The following KCNIP1 variants were observed in gnomAD, a reference collection of about 807,000 sequenced individuals.
KCNIP1 encodes A-type potassium channel modulatory protein KCNIP1.
Under a neutral mutation model 33.0 loss-of-function variants are expected in KCNIP1, and 18 were observed. The observed-to-expected ratio is 0.55, with a 90% CI of 0.38 to 0.81. The LOEUF (loss-of-function observed/expected upper bound fraction) is 0.81. Ranked by LOEUF, KCNIP1 falls within the 30% of genes least tolerant of loss-of-function variation. KCNIP1 has a pLI of 0.00. For missense variants in KCNIP1, 238 were observed against 271.6 expected (o/e 0.88, Z 0.87); for synonymous variants, 93 against 98.3 (o/e 0.95, Z 0.32).
At chr5:170,712,042 G>A (rs1219602578) in intron 1 of KCNIP1, among the ~76,000 whole-genome samples, 3 of 152,148 alleles carry the variant, frequency 2.0e-5, no homozygotes, top group Non-Finnish European at 4.4e-5. Flanking sequence ...AGGAAATCCA[G>A]GCCAACCACA....
chr5:170,478,179 AG>A (rs1398870397), intron 1 of KCNIP1, among the ~76,000 whole-genome samples: 1 of 152,186 alleles, frequency 6.6e-6, no homozygotes, highest in African/African-American at 2.4e-5. Flanking sequence ...TGGGGCGGGA[AG>A]GGGCAGGTAA....
At chr5:170,683,688 T>C (rs1190225070) in intron 1 of KCNIP1, among the ~76,000 whole-genome samples, 2 of 152,062 alleles carry the variant, frequency 1.3e-5, no homozygotes, top group African/African-American at 4.8e-5. Context: ...GTAGTCTTCC[T>C]TCGGCCCTTG....
chr5:170,490,068 C>T (rs1409414549), intron 1 of KCNIP1, among the ~76,000 whole-genome samples: 1 of 152,222 alleles, frequency 6.6e-6, no homozygotes, highest in Non-Finnish European at 1.5e-5. Flanking sequence ...GTGGGGGCAA[C>T]AGGTTCTCTC....
At chr5:170,655,423 A>T (rs1340176223) in intron 1 of KCNIP1, among the ~76,000 whole-genome samples, 1 of 152,218 alleles carries the variant, frequency 6.6e-6, no homozygotes, top group Non-Finnish European at 1.5e-5. Context: ...GGCAAAGCTC[A>T]GTTTCTCCCC....
chr5:170,579,299 C>T (rs189997115), intron 1 of KCNIP1, among the ~76,000 whole-genome samples: 34 of 152,252 alleles, frequency 2.2e-4, no homozygotes, highest in Non-Finnish European at 5.0e-4. Flanking sequence ...TAGAATATAG[C>T]ATTTAGGGCC....
chr5:170,716,495 A>C (rs968990196), intron 1 of KCNIP1, among the ~76,000 whole-genome samples: 2 of 152,212 alleles, frequency 1.3e-5, no homozygotes, highest in Non-Finnish European at 2.9e-5. Flanking sequence ...TTCCTTCCAC[A>C]ACCGATGTTA....
intron 1 of KCNIP1, among the ~76,000 whole-genome samples, chr5:170,580,582 A>T (rs759266221): frequency 1.3e-5 from 2 of 152,170 alleles, no homozygotes; most frequent in Non-Finnish European, 1.5e-5. Context: ...GGTCATGTTC[A>T]GGTTGGCTAT....
At chr5:170,690,628 C>T (rs566723305) in intron 1 of KCNIP1, among the ~76,000 whole-genome samples, 6 of 152,226 alleles carry the variant, frequency 3.9e-5, no homozygotes, top group African/African-American at 9.6e-5. Flanking sequence ...CTCACTTCCA[C>T]GTCACATGAT....
At chr5:170,713,370 G>A (rs1763525236) in intron 1 of KCNIP1, among the ~76,000 whole-genome samples, 1 of 152,164 alleles carries the variant, frequency 6.6e-6, no homozygotes, top group South Asian at 2.1e-4. Flanking sequence ...TTTGTAGGTG[G>A]GAGGGTAAGT....
intron 1 of KCNIP1, among the ~76,000 whole-genome samples, chr5:170,455,823 T>A (rs1028718077): frequency 6.6e-6 from 1 of 152,170 alleles, no homozygotes; most frequent in African/African-American, 2.4e-5. Context: ...TAGCTCCACA[T>A]ACCTACATTA....
chr5:170,612,341 G>A (rs1581397020), intron 1 of KCNIP1, among the ~76,000 whole-genome samples: 1 of 152,344 alleles, frequency 6.6e-6, no homozygotes, highest in East Asian at 1.9e-4. Context: ...CTCTCAGCAG[G>A]CCCCTGCTGG....
At chr5:170,705,785 A>T (rs1431428290) in intron 1 of KCNIP1, among the ~76,000 whole-genome samples, 1 of 152,248 alleles carries the variant, frequency 6.6e-6, no homozygotes, top group Non-Finnish European at 1.5e-5. Flanking sequence ...TAGATCCATC[A>T]GGAAAGGTAC....
At chr5:170,722,503 G>T (rs1449245782) in intron 4 of KCNIP1, among the ~76,000 whole-genome samples, 1 of 145,626 alleles carries the variant, frequency 6.9e-6, no homozygotes, top group Non-Finnish European at 1.5e-5. Flanking sequence ...CTTCCTCAAG[G>T]GGGCACCTTG....
intron 1 of KCNIP1, among the ~76,000 whole-genome samples, chr5:170,671,941 G>A (rs1474629809): frequency 6.6e-6 from 1 of 152,224 alleles, no homozygotes; most frequent in African/African-American, 2.4e-5. Context: ...CAAATACACA[G>A]TGACAATACA....
At chr5:170,566,114 T>A (rs577362292) in intron 1 of KCNIP1, among the ~76,000 whole-genome samples, 1 of 151,678 alleles carries the variant, frequency 6.6e-6, no homozygotes, top group African/African-American at 2.4e-5. Flanking sequence ...CTGCAACCTC[T>A]GCCTCCCGGG....
upstream of KCNIP1, among the ~76,000 whole-genome samples, chr5:170,502,163 T>A (rs902373671): frequency 6.6e-6 from 1 of 152,190 alleles, no homozygotes; most frequent in Admixed American, 6.5e-5. Context: ...GGGGTAATGA[T>A]CAGGCACCTG....
chr5:170,368,526 G>T (rs889961747), intron 1 of KCNIP1, among the ~76,000 whole-genome samples: 1 of 152,148 alleles, frequency 6.6e-6, no homozygotes, highest in Admixed American at 6.5e-5. Context: ...GCCTCCCAAA[G>T]TGCTGGCATT....
intron 1 of KCNIP1, among the ~76,000 whole-genome samples, chr5:170,713,039 A>G (rs755138342): frequency 2.9e-4 from 44 of 152,232 alleles, no homozygotes; most frequent in Non-Finnish European, 5.0e-4. Flanking sequence ...ACAGTTGGAA[A>G]TGTTCTTTTA....
intron 1 of KCNIP1, among the ~76,000 whole-genome samples, chr5:170,505,692 T>C (rs1458143393): frequency 6.6e-6 from 1 of 152,098 alleles, no homozygotes; most frequent in Non-Finnish European, 1.5e-5. Context: ...TCACCCTGTT[T>C]AGAACCACAG....
Sources: allele counts gnomAD v4.1 joint callset (sites outside exome capture counted in the v4.1 genomes callset), GRCh38; gene constraint gnomAD v4.1.1; transcripts MANE v1.5; gene names NCBI Gene and HGNC (gene_info 2026-07-23, HGNC 2026-07-21).